The following SMG6 variants were observed in gnomAD, a reference collection of about 807,000 sequenced individuals.
SMG6 encodes the protein telomerase-binding protein EST1A.
Under a neutral mutation model 142.2 loss-of-function variants are expected in SMG6, and 66 were observed. The observed-to-expected ratio is 0.46, with a 90% CI of 0.38 to 0.57. SMG6 has a LOEUF of 0.57. SMG6 is among the 20% of genes least tolerant of loss of function. SMG6 has a pLI of 0.00. For missense variants in SMG6, 1,793 were observed against 1,832.0 expected, an observed-to-expected ratio of 0.98 and a Z score of 0.39; for synonymous variants, 779 against 702.4, an observed-to-expected ratio of 1.11 and a Z score of -1.72.
At position 2,108,441 on chromosome 17, in the gene SMG6, A is replaced by C. The variant is rs9890840; in HGVS notation, c.3358-22540T>G. On this transcript the variant is annotated intron_variant, in intron 13 of 18. Transcript: ENST00000263073. ...AGACCAGCCTGGCCAACATAGTGAA[A>C]CCCTGTCTCTACTAAAAATACAAAA... Among the ~76,000 whole-genome samples, 234 of 152,090 alleles carry C rather than the reference A, an allele frequency of 1.5e-3. 4 individuals are homozygous for C. Among genetic ancestry groups the C allele is most frequent in the African/African-American group, 5.5e-3 (227 of 41,496 alleles).
At chr17:2,080,640 C>CT (rs796298262) in intron 15 of SMG6, among the ~76,000 whole-genome samples, 157 of 144,218 alleles carry the variant, frequency 1.1e-3, no homozygotes, top group Middle Eastern at 7.4e-3. Context: ...TTTCTTTTTT[C>CT]TTTTTTTTTT....
At chr17:2,069,990 T>C (rs965823186) in intron 15 of SMG6, among the ~76,000 whole-genome samples, 4 of 152,210 alleles carry the variant, frequency 2.6e-5, no homozygotes, top group South Asian at 2.1e-4. Flanking sequence ...ATATGCTTAC[T>C]AGTGCAAGCT....
chr17:2,124,459 G>A (rs928346294), intron 13 of SMG6, among the ~76,000 whole-genome samples: 2 of 152,182 alleles, frequency 1.3e-5, no homozygotes, highest in African/African-American at 4.8e-5. Context: ...TCCATTTCTG[G>A]CCTAAAGTGG....
Position 2,071,518 on chromosome 17 carries a change from G to C in SMG6, c.3682-2587C>G, listed in dbSNP as rs1040872219. 6.6e-6 allele frequency among the ~76,000 whole-genome samples: 1 copy of C among 152,186 alleles called. No homozygotes were observed. The highest frequency in any genetic ancestry group is 1.5e-5 in the Non-Finnish European group (1 of 68,036). On this transcript the variant is annotated intron_variant, in intron 15 of 18. Coordinates refer to ENST00000263073, the MANE Select transcript of SMG6 (RefSeq NM_017575.5). The surrounding 1 kb of genome is among the most constrained non-coding windows in gnomAD (Gnocchi z 5.6). ...TGAATAGGCCGCAGCCTTTCAGAGG[G>C]GGCTTCCCTGGGTGTGGGGTGGGGC...
chr17:2,160,826 G>A (rs889693147), intron 13 of SMG6, among the ~76,000 whole-genome samples: 1 of 151,722 alleles, frequency 6.6e-6, no homozygotes, highest in Non-Finnish European at 1.5e-5. Flanking sequence ...GCAAGACCCT[G>A]TCTCAAAAAA....
chr17:2,154,162 A>G (rs59483547), intron 13 of SMG6, among the ~76,000 whole-genome samples: 361 of 52,532 alleles, frequency 6.9e-3, no homozygotes, highest in Admixed American at 0.01. Flanking sequence ...GGGAAACCTG[A>G]GGATGCACGT....
At chr17:2,141,508 C>T (rs1337950705) in intron 13 of SMG6, among the ~76,000 whole-genome samples, 1 of 152,202 alleles carries the variant, frequency 6.6e-6, no homozygotes, top group Non-Finnish European at 1.5e-5. Flanking sequence ...GTGGCACAAT[C>T]ACAGCTCACT....
intron 4 of SMG6, among the ~76,000 whole-genome samples, chr17:2,293,749 C>T (rs2075089616): frequency 6.6e-6 from 1 of 152,266 alleles, no homozygotes; most frequent in African/African-American, 2.4e-5. Flanking sequence ...GCTGGGATTA[C>T]AGGCGTGAGC....
At chr17:2,296,472 C>T (rs561821030) in intron 4 of SMG6, among the ~76,000 whole-genome samples, 8 of 152,294 alleles carry the variant, frequency 5.3e-5, no homozygotes, top group Admixed American at 1.3e-4. Context: ...CCCCAGGCCG[C>T]GGACTGGTAC....
At chr17:2,098,780 G>C (rs919044399) in intron 13 of SMG6, among the ~76,000 whole-genome samples, 4 of 151,918 alleles carry the variant, frequency 2.6e-5, no homozygotes, top group African/African-American at 9.7e-5. Context: ...ACAGGCACCC[G>C]CCACCATGTC....
chr17:2,200,524 CA>C (rs1422680345), intron 10 of SMG6, among the ~76,000 whole-genome samples: 2 of 124,712 alleles, frequency 1.6e-5, no homozygotes, highest in East Asian at 4.4e-4. Flanking sequence ...AAACCCACGA[CA>C]GAAAAAAAAA....
intron 8 of SMG6, among the ~76,000 whole-genome samples, chr17:2,267,521 C>T (rs1001604715): frequency 2.0e-5 from 3 of 151,934 alleles, no homozygotes; most frequent in Non-Finnish European, 2.9e-5. Flanking sequence ...TCTTTATATC[C>T]ATGAGGCCAA....
chr17:2,207,299 C>A (rs1005616811), intron 10 of SMG6, among the ~76,000 whole-genome samples: 1 of 151,784 alleles, frequency 6.6e-6, no homozygotes, highest in Non-Finnish European at 1.5e-5. Flanking sequence ...AAACAAAACA[C>A]AACAAACAAA....
intron 3 of SMG6, 92 bp downstream of exon 3, chr17:2,297,771 G>T: frequency 1.4e-6 from 2 of 1,435,810 alleles, no homozygotes; most frequent in Non-Finnish European, 1.9e-6. Context: ...TCGATATTCT[G>T]TTCTAAAACA....
chr17:2,231,353 CAT>C (rs1344136831), intron 10 of SMG6, among the ~76,000 whole-genome samples: 1 of 152,188 alleles, frequency 6.6e-6, no homozygotes, highest in East Asian at 1.9e-4. Flanking sequence ...TGGAGACCCA[CAT>C]GTGACACTCC....
intron 13 of SMG6, among the ~76,000 whole-genome samples, chr17:2,118,446 C>T (rs566731990): frequency 7.2e-5 from 11 of 152,064 alleles, no homozygotes; most frequent in Admixed American, 2.0e-4. Context: ...GGCTGAGGCA[C>T]GAGAATCACT....
At chr17:2,238,750 ACT>A (rs1420491049) in intron 9 of SMG6, among the ~76,000 whole-genome samples, 12 of 152,166 alleles carry the variant, frequency 7.9e-5, no homozygotes, top group Admixed American at 5.2e-4. Flanking sequence ...ATCCATTAAC[ACT>A]CTCTGGGTCA....
intron 13 of SMG6, among the ~76,000 whole-genome samples, chr17:2,100,056 G>C (rs2068963604): frequency 8.2e-6 from 1 of 122,248 alleles, no homozygotes; most frequent in South Asian, 2.5e-4. Context: ...TTTTTTTTTC[G>C]AGACAGTGTC....
chr17:2,132,462 C>T lies in SMG6; in HGVS notation c.3357+40196G>A, dbSNP rs147908641. On this transcript the variant is annotated intron_variant, in intron 13 of 18. Transcript: ENST00000263073. ...TCTCACTGAGTTGTCTATGGGGAAG[C>T]GGTGTGGGACGATCAGTGGATGGTG... is the stretch of plus-strand genomic sequence containing the variant. 1.0e-3 allele frequency among the ~76,000 whole-genome samples: 154 copies of T among 152,204 alleles called. 1 individual carries two copies. The highest frequency in any genetic ancestry group is 1.1e-3 in the Admixed American group (17 of 15,264).
Sources: allele counts gnomAD v4.1 joint callset (sites outside exome capture counted in the v4.1 genomes callset), GRCh38; gene constraint gnomAD v4.1.1; non-coding constraint Gnocchi (gnomAD v3.1); transcripts MANE v1.5; gene names NCBI Gene and HGNC (gene_info 2026-07-23, HGNC 2026-07-21).